Variants in ZNF354A observed in about 807,000 individuals in gnomAD.
The protein encoded by ZNF354A is zinc finger protein 354A.
ZNF354A carries 25 observed loss-of-function variants against 53.3 expected under a neutral mutation model. That is an observed-to-expected ratio of 0.47 (90% CI 0.34 to 0.66). The LOEUF (loss-of-function observed/expected upper bound fraction) is 0.66, where lower values mean the gene tolerates loss of function less well. ZNF354A is among the 30% of genes least tolerant of loss of function. The probability of loss-of-function intolerance (pLI) is 0.01; values close to 1 mark genes in which losing one functional copy is unlikely to be tolerated. For missense variants in ZNF354A, 586 were observed against 716.8 expected (o/e 0.82, Z 2.08); for synonymous variants, 228 against 249.0 (o/e 0.92, Z 0.79).
At position 178,720,115 on chromosome 5, in the gene ZNF354A, G is replaced by C. The variant is rs561926936; in HGVS notation, c.256+5261C>G. On this transcript the variant is annotated intron_variant, in intron 4 of 4. Coordinates refer to ENST00000335815, the MANE Select transcript of ZNF354A (RefSeq NM_005649.3). Reference sequence around the variant, plus strand: ...TGTGCTGGTGGAAAAGAGAAAAGCTGTTTTAGAAATGTTGTTGTGGTAACT... The same window carrying C: ...TGTGCTGGTGGAAAAGAGAAAAGCTCTTTTAGAAATGTTGTTGTGGTAACT... 2.6e-5 allele frequency among the ~76,000 whole-genome samples: 4 copies of C among 152,292 alleles called. No individual in the cohort carries two copies. The East Asian group carries it at 7.7e-4, about 29-fold the overall frequency.
chr5:178,716,876 C>T (rs1765724399), intron 4 of ZNF354A, among the ~76,000 whole-genome samples: 1 of 151,992 alleles, frequency 6.6e-6, no homozygotes, highest in Admixed American at 6.6e-5. Context: ...ATCAGGAATT[C>T]AAGGCCAGCC....
At chr5:178,714,056 G>C (rs1200313764) in intron 4 of ZNF354A, among the ~76,000 whole-genome samples, 1 of 150,762 alleles carries the variant, frequency 6.6e-6, no homozygotes, top group Non-Finnish European at 1.5e-5. Flanking sequence ...GCCCAGGCTC[G>C]AGTGCAGTGG....
intron 4 of ZNF354A, among the ~76,000 whole-genome samples, chr5:178,716,369 T>C (rs1278494785): frequency 6.6e-6 from 1 of 152,104 alleles, no homozygotes; most frequent in Admixed American, 6.6e-5. Flanking sequence ...CCTCACCCCC[T>C]CTTCCCTGGC....
At position 178,730,615 on chromosome 5, in the gene ZNF354A, G is replaced by A. The variant is rs1241762053; in HGVS notation, c.-111C>T. ...CCAGCCGCGAGGCTCCGGAACCGCC[G>A]GCCGGGATGCAGCCTCGCGACCCGG... On this transcript the variant is annotated 5_prime_UTR_variant, in exon 1 of 5. Coordinates refer to ENST00000335815, the MANE Select transcript of ZNF354A (RefSeq NM_005649.3). 9 of 151,894 alleles carry A rather than the reference G, an allele frequency of 5.9e-5. No homozygotes were observed. Among genetic ancestry groups the A allele is most frequent in the African/African-American group, 1.9e-4 (8 of 41,406 alleles). The allele number at this position is 151,894 out of a possible 1,614,324, so 9.4% of individuals were successfully genotyped here. A position where few individuals can be genotyped will look rare whatever the true frequency, so the allele number is the denominator to read the frequency against.
chr5:178,726,945 G>A, intron 3 of ZNF354A, 54 bp downstream of exon 3: 1 of 1,569,298 alleles, frequency 6.4e-7, no homozygotes, highest in Non-Finnish European at 8.6e-7. Flanking sequence ...AGGGAAGGAG[G>A]TGCTGAGATA....
intron 4 of ZNF354A, among the ~76,000 whole-genome samples, chr5:178,723,101 G>A (rs970360315): frequency 6.6e-6 from 1 of 152,190 alleles, no homozygotes; most frequent in African/African-American, 2.4e-5. Flanking sequence ...AGGTAGCCAG[G>A]GCCAGACCAC....
At chr5:178,728,039 C>T (rs1421147320) in intron 2 of ZNF354A, among the ~76,000 whole-genome samples, 1 of 152,138 alleles carries the variant, frequency 6.6e-6, no homozygotes, top group Non-Finnish European at 1.5e-5. Flanking sequence ...TTAGTAGAGA[C>T]AGGGTTCCAC....
chr5:178,714,887 GGA>G (rs1374373353), intron 4 of ZNF354A, among the ~76,000 whole-genome samples: 4 of 152,212 alleles, frequency 2.6e-5, no homozygotes, highest in Non-Finnish European at 5.9e-5. Context: ...AGTTCAAACA[GGA>G]GGGCCCTGTT....
chr5:178,720,739 A>G (rs1254474049), intron 4 of ZNF354A, among the ~76,000 whole-genome samples: 1 of 152,168 alleles, frequency 6.6e-6, no homozygotes, highest in Non-Finnish European at 1.5e-5. Flanking sequence ...CATCTCGTCC[A>G]CTAGGTTATG....
rs1561615003 is a variant in ZNF354A, at chr5:178,712,589, A to C, written c.1289T>G (p.Ile430Ser). ...ATAAAACTTCTCTCCAGTATGAATG[A>C]TTCGGTGTCTATTAAGTCGTGAAAT... ...TSISRLNRHR[I>S]IHTGEKFYNC... is the part of the protein sequence containing the mutation. Residue 430 changes from isoleucine (I) to serine (S), a missense_variant, in exon 5 of 5, where the codon ATC becomes AGC. Ile to Ser is a moderately radical substitution (Grantham distance 142, BLOSUM62 -2). Transcript: ENST00000335815. The C allele has an allele frequency of 3.1e-6, 5 of 1,614,214 alleles. No homozygotes were observed. Among genetic ancestry groups the C allele is most frequent in the Middle Eastern group, 1.6e-4 (1 of 6,062 alleles).
In ZNF354A at chr5:178,712,317, G is replaced by A; in HGVS notation, c.1561C>T (p.Pro521Ser). 1 of 1,614,098 alleles carries A rather than the reference G, an allele frequency of 6.2e-7. No homozygotes were observed. Among genetic ancestry groups the A allele is most frequent in the Non-Finnish European group, 8.5e-7 (1 of 1,180,008 alleles). ...NHQRIHTGEKPYRCEECGISF... is the reference protein window; with the variant it reads ...NHQRIHTGEKSYRCEECGISF... ...ATCCCACATTCCTCACATCGATATG[G>A]TTTCTCTCCAGTATGAATTCTCTGG... is the stretch of plus-strand genomic sequence containing the variant. The change falls in exon 5 of 5, where the codon CCA becomes TCA. Residue 521 changes from proline to serine, a missense_variant. By Grantham distance (74) the Pro-to-Ser change is moderately conservative (BLOSUM62 -1). Around this residue, in one of 2 missense-constraint regions of ZNF354A, gnomAD observed 573 missense variants for 680.1 expected, o/e 0.84. Transcript: ENST00000335815.
rs17854421 is a variant in ZNF354A at position 178,712,981 on chromosome 5, T to G, written c.897A>C (p.Arg299Ser). 6.2e-7 allele frequency: 1 copy of G among 1,614,142 alleles called. No individual in the cohort carries two copies. Among genetic ancestry groups the G allele is most frequent in the Non-Finnish European group, 8.5e-7 (1 of 1,180,018 alleles). ...LRTHTVEKSY[R>S]CKECGKSFSR... ...TGAAGGATTTACCACATTCTTTACA[T>G]CTGTAGGATTTCTCCACAGTATGGG... The change falls in exon 5 of 5, where the codon AGA (arginine) becomes AGC (serine). Residue 299 changes from arginine to serine, a missense_variant. Physicochemically the swap from Arg to Ser is moderately radical, Grantham distance 110. This residue lies in a region of ZNF354A where 573 missense variants were observed against 680.1 expected (regional missense o/e 0.84). Coordinates refer to ENST00000335815, the MANE Select transcript of ZNF354A (RefSeq NM_005649.3).
chr5:178,724,297 T>C (rs1207906370), intron 4 of ZNF354A, among the ~76,000 whole-genome samples: 1 of 151,348 alleles, frequency 6.6e-6, no homozygotes, highest in Non-Finnish European at 1.5e-5. Context: ...CAATCTCGGC[T>C]CACTGCAACC....
rs770583943 is a variant in ZNF354A, at chr5:178,712,066, GTCC to G, written c.1809_1811del (p.Glu603del). On this transcript the variant is annotated inframe_deletion, in exon 5 of 5. Transcript: ENST00000335815. ...ACACATACAAATCTACTTTCTAGGG[GTCC>G]TCTTCGATATGAATTTTATAATGAT... 32 of 1,589,296 alleles carry G rather than the reference GTCC, an allele frequency of 2.0e-5. No homozygotes were observed. Among genetic ancestry groups the G allele is most frequent in the Admixed American group, 1.4e-4 (8 of 56,704 alleles).
chr5:178,718,328 C>G (rs1197068131), intron 4 of ZNF354A, among the ~76,000 whole-genome samples: 4 of 152,154 alleles, frequency 2.6e-5, no homozygotes, highest in African/African-American at 9.7e-5. Flanking sequence ...AGGTGAAGAC[C>G]TAGGTCAGAA....
chr5:178,717,192 G>A (rs766603624), intron 4 of ZNF354A, among the ~76,000 whole-genome samples: 25 of 152,030 alleles, frequency 1.6e-4, no homozygotes, highest in East Asian at 1.2e-3. Flanking sequence ...TTAAGCCTAC[G>A]GGAAGCCACT....
Position 178,712,681 on chromosome 5 carries a change from T to C in ZNF354A, c.1197A>G (p.Gln399=). 6.2e-7 allele frequency: 1 copy of C among 1,613,940 alleles called. No homozygotes were observed. The highest frequency in any genetic ancestry group is 8.5e-7 in the Non-Finnish European group (1 of 1,179,858). ...RAFSQSASLI[Q]HERIHTGEKP... is the part of the protein sequence containing the mutation. ...TTTCTCCGGTGTGAATTCTTTCATGTTGAATAAGAGAGGCACTCTGGCTGA... is the reference window on the plus strand; with the variant it reads ...TTTCTCCGGTGTGAATTCTTTCATGCTGAATAAGAGAGGCACTCTGGCTGA... The change falls in exon 5 of 5, where the codon CAA becomes CAG. Residue 399 remains glutamine, a synonymous_variant. Transcript: ENST00000335815.
intron 4 of ZNF354A, among the ~76,000 whole-genome samples, chr5:178,715,078 G>A (rs1313000301): frequency 1.3e-5 from 2 of 152,206 alleles, no homozygotes; most frequent in Admixed American, 6.5e-5. Context: ...ACATGGAAAA[G>A]TAAAGAACAG....
At chr5:178,726,321 T>C (rs1350141997) in intron 3 of ZNF354A, 1 of 399,372 alleles carries the variant, frequency 2.5e-6, no homozygotes, top group Admixed American at 2.9e-5. Context: ...CGTGGCTTTT[T>C]TTTTTTTGAG....
Sources: allele counts gnomAD v4.1 joint callset (sites outside exome capture counted in the v4.1 genomes callset), GRCh38; gene constraint gnomAD v4.1.1; regional missense constraint gnomAD v4.1.1; transcripts MANE v1.5; gene names NCBI Gene and HGNC (gene_info 2026-07-23, HGNC 2026-07-21).